BRINP3: variants seen among roughly 807,000 people sequenced by gnomAD.
BRINP3 encodes BMP/retinoic acid-inducible neural-specific protein 3.
A neutral mutation model predicts 71.0 loss-of-function variants in BRINP3; 19 were observed. The ratio of observed to expected loss-of-function variants is 0.27; its 90% CI spans 0.19 to 0.39. BRINP3 has a LOEUF of 0.39. BRINP3 is among the 10% of genes least tolerant of loss of function. BRINP3 has a pLI of 1.00. For missense variants in BRINP3, 959 were observed against 940.8 expected, an observed-to-expected ratio of 1.02 and a Z score of -0.25; for synonymous variants, 380 against 337.7, an observed-to-expected ratio of 1.13 and a Z score of -1.37.
At chr1:190,149,606 T>C (rs1447927200) in intron 7 of BRINP3, among the ~76,000 whole-genome samples, 2 of 151,256 alleles carry the variant, frequency 1.3e-5, no homozygotes. Flanking sequence ...TAGTGTGCAC[T>C]TAGGATATTG....
intron 2 of BRINP3, among the ~76,000 whole-genome samples, chr1:190,335,132 A>G (rs568525989): frequency 6.6e-6 from 1 of 152,002 alleles, no homozygotes; most frequent in Non-Finnish European, 1.5e-5. Context: ...AATTCTTTTA[A>G]AGACTTGGGT....
At chr1:190,185,102 T>C (rs982120095) in intron 6 of BRINP3, among the ~76,000 whole-genome samples, 1 of 152,004 alleles carries the variant, frequency 6.6e-6, no homozygotes, top group African/African-American at 2.4e-5. Flanking sequence ...ATAATGAACA[T>C]GTAGGACTGC....
In BRINP3 at chr1:190,191,195, A is replaced by T. The variant is rs1019432607; in HGVS notation, c.962-30305T>A. Among the ~76,000 whole-genome samples the T allele has an allele frequency of 2.0e-5, 3 of 152,188 alleles. No homozygotes were observed. The South Asian group carries it at 6.2e-4, about 32-fold the overall frequency. On this transcript the variant is annotated intron_variant, in intron 6 of 7. Transcript: ENST00000367462. ...TGATTCTCTTCTCAGACTTAGGTAC[A>T]TATTAACATTACCTGGAGACTTTAA...
At chr1:190,452,478 A>C (rs1341959282) in intron 2 of BRINP3, among the ~76,000 whole-genome samples, 2 of 152,222 alleles carry the variant, frequency 1.3e-5, no homozygotes, top group Non-Finnish European at 1.5e-5. Flanking sequence ...TGCGCCTTGC[A>C]AACAAACCTC....
intron 3 of BRINP3, among the ~76,000 whole-genome samples, chr1:190,265,558 AT>A (rs1661583376): frequency 1.4e-5 from 2 of 147,706 alleles, no homozygotes; most frequent in Non-Finnish European, 3.0e-5. Context: ...ATATATATAT[AT>A]ATAAATTAGC....
chr1:190,173,256 G>C (rs1298639966), intron 6 of BRINP3, among the ~76,000 whole-genome samples: 1 of 152,142 alleles, frequency 6.6e-6, no homozygotes, highest in Non-Finnish European at 1.5e-5. Flanking sequence ...GCAGCATCTG[G>C]TGTATACATA....
At position 190,226,332 on chromosome 1, in the gene BRINP3, C is replaced by G. The variant is rs551365952; in HGVS notation, c.725-14G>C. The G allele has an allele frequency of 1.1e-5, 16 of 1,453,064 alleles. No individual in the cohort carries two copies. Among genetic ancestry groups the G allele is most frequent in the African/African-American group, 2.9e-5 (2 of 69,280 alleles). 90.0% of individuals were successfully genotyped at this position (1,453,064 alleles called of 1,614,324 possible). ...GTACTTGAAGCCCTTGAAGAACAAA[C>G]AAAGAAATTAACAAATTTACTTTGT... On this transcript the variant is annotated splice_polypyrimidine_tract_variant and intron_variant, in intron 5 of 7. Coordinates refer to ENST00000367462, the MANE Select transcript of BRINP3 (RefSeq NM_199051.3).
chr1:190,476,442 T>C (rs1019476636), intron 1 of BRINP3, among the ~76,000 whole-genome samples: 1 of 152,116 alleles, frequency 6.6e-6, no homozygotes, highest in Admixed American at 6.5e-5. Context: ...ATGAATATCG[T>C]GCTTTCCTCA....
intron 6 of BRINP3, among the ~76,000 whole-genome samples, chr1:190,198,862 T>C (rs559280378): frequency 9.9e-5 from 15 of 152,178 alleles, no homozygotes; most frequent in Non-Finnish European, 2.1e-4. Flanking sequence ...GTTAACCAGT[T>C]CCAAAGTCAC....
At chr1:190,261,739 C>T (rs1347798172) in intron 4 of BRINP3, among the ~76,000 whole-genome samples, 1 of 152,096 alleles carries the variant, frequency 6.6e-6, no homozygotes, top group Non-Finnish European at 1.5e-5. Flanking sequence ...TCACTTAAAA[C>T]ACAACTTACA....
chr1:190,126,621 C>G (rs1654108192), intron 7 of BRINP3, among the ~76,000 whole-genome samples: 1 of 151,768 alleles, frequency 6.6e-6, no homozygotes, highest in Non-Finnish European at 1.5e-5. Context: ...TTCTTTTCCT[C>G]AGATCTACAT....
At chr1:190,172,931 G>C (rs542216554) in intron 6 of BRINP3, among the ~76,000 whole-genome samples, 3 of 152,108 alleles carry the variant, frequency 2.0e-5, no homozygotes, top group South Asian at 4.1e-4. Flanking sequence ...GCAACCTCTC[G>C]GACCTGTCTG....
chr1:190,463,605 A>G (rs1480280215), intron 1 of BRINP3, among the ~76,000 whole-genome samples: 8 of 151,874 alleles, frequency 5.3e-5, no homozygotes, highest in Non-Finnish European at 8.9e-5. Flanking sequence ...TTACATGTGT[A>G]AAAACACAGA....
At chr1:190,360,928 CAT>C (rs1161962607) in intron 2 of BRINP3, among the ~76,000 whole-genome samples, 7 of 152,192 alleles carry the variant, frequency 4.6e-5, no homozygotes, top group Admixed American at 1.3e-4. Context: ...TCAATAAAGA[CAT>C]ATCTAACTCT....
At chr1:190,462,497 A>C (rs1381648927) in intron 1 of BRINP3, among the ~76,000 whole-genome samples, 1 of 152,154 alleles carries the variant, frequency 6.6e-6, no homozygotes, top group South Asian at 2.1e-4. Flanking sequence ...GGAATTGAAT[A>C]GCCTGTTCCT....
chr1:190,133,627 C>G (rs1459650049), intron 7 of BRINP3, among the ~76,000 whole-genome samples: 2 of 152,012 alleles, frequency 1.3e-5, no homozygotes, highest in Non-Finnish European at 2.9e-5. Flanking sequence ...AGAATGGATG[C>G]ATCTTAAAAA....
At chr1:190,434,792 T>G (rs1051799338) in intron 2 of BRINP3, among the ~76,000 whole-genome samples, 1 of 152,162 alleles carries the variant, frequency 6.6e-6, no homozygotes. Context: ...TGCCTTGATT[T>G]ATAATACCCA....
chr1:190,237,886 C>T (rs1658679137), intron 4 of BRINP3, among the ~76,000 whole-genome samples: 1 of 152,022 alleles, frequency 6.6e-6, no homozygotes, highest in South Asian at 2.1e-4. Flanking sequence ...CTAAGACTTT[C>T]CATCTGAAAT....
chr1:190,366,318 G>C (rs1333597159), intron 2 of BRINP3, among the ~76,000 whole-genome samples: 2 of 152,080 alleles, frequency 1.3e-5, no homozygotes. Flanking sequence ...TGAGCAAAGG[G>C]GGAAAAGCCC....
Sources: allele counts gnomAD v4.1 joint callset (sites outside exome capture counted in the v4.1 genomes callset), GRCh38; gene constraint gnomAD v4.1.1; transcripts MANE v1.5; gene names NCBI Gene and HGNC (gene_info 2026-07-23, HGNC 2026-07-21).